MISFA: variants seen among roughly 807,000 people sequenced by gnomAD.
MISFA encodes mitochondrial sheath formation-associated protein.
chr11:18,605,003 G>A, the MISFA span, among the ~76,000 whole-genome samples: 1 of 152,170 alleles, frequency 6.6e-6, no homozygotes, highest in African/African-American at 2.4e-5. Flanking sequence ...AGCACTTTGG[G>A]AGGCCGAGGC....
At chr11:18,604,542 T>G in the MISFA span, among the ~76,000 whole-genome samples, 1 of 151,284 alleles carries the variant, frequency 6.6e-6, no homozygotes, top group Non-Finnish European at 1.5e-5. Flanking sequence ...ACGTCTGTAG[T>G]CCCAGCTACT....
the MISFA span, among the ~76,000 whole-genome samples, chr11:18,606,055 C>T: frequency 6.6e-5 from 10 of 152,296 alleles, no homozygotes; most frequent in East Asian, 1.9e-3. Flanking sequence ...GGACCCTGCT[C>T]ATTTTGACAA....
chr11:18,606,582 T>G, the MISFA span: 2 of 299,490 alleles, frequency 6.7e-6, no homozygotes, highest in African/African-American at 4.7e-5. Flanking sequence ...ATTTAATTAC[T>G]CCAAAGAAAT....
the MISFA span, among the ~76,000 whole-genome samples, chr11:18,600,824 C>T: frequency 6.6e-6 from 1 of 151,990 alleles, no homozygotes; most frequent in Non-Finnish European, 1.5e-5. Flanking sequence ...CCGGCCAGGA[C>T]ATCCTTTTAA....
the MISFA span, among the ~76,000 whole-genome samples, chr11:18,604,757 A>G: frequency 6.6e-6 from 1 of 152,244 alleles, no homozygotes; most frequent in Non-Finnish European, 1.5e-5. Context: ...TATTAGCCTC[A>G]TCTTACAAAA....
chr11:18,607,707 C>T, the MISFA span: 3 of 152,226 alleles, frequency 2.0e-5, no homozygotes, highest in African/African-American at 4.8e-5. Context: ...AAAGACTTAA[C>T]CTTTTTTTTC....
chr11:18,609,741 A>T, the MISFA span: 1 of 794,112 alleles, frequency 1.3e-6, no homozygotes, highest in South Asian at 1.7e-5. Flanking sequence ...GACAGTATGC[A>T]TTCCTTCTCC....
chr11:18,606,620 A>T, the MISFA span: 1 of 363,512 alleles, frequency 2.8e-6, no homozygotes, highest in South Asian at 2.0e-5. Context: ...TCATACACTA[A>T]ACGTCTGAAT....
At chr11:18,605,987 T>G in the MISFA span, among the ~76,000 whole-genome samples, 1 of 152,166 alleles carries the variant, frequency 6.6e-6, no homozygotes, top group African/African-American at 2.4e-5. Flanking sequence ...CTGCCTCATA[T>G]ACATTTCTAA....
the MISFA span, among the ~76,000 whole-genome samples, chr11:18,605,234 T>C: frequency 1.4e-5 from 2 of 142,212 alleles, no homozygotes; most frequent in Non-Finnish European, 3.2e-5. Context: ...AGCAAGACCT[T>C]GTCTCAAAAA....
the MISFA span, chr11:18,607,896 T>A: frequency 6.6e-6 from 1 of 152,322 alleles, no homozygotes; most frequent in East Asian, 1.9e-4. Flanking sequence ...TACCATATCA[T>A]AAATTTACTG....
the MISFA span, chr11:18,603,679 C>T: frequency 2.5e-6 from 1 of 398,312 alleles, no homozygotes; most frequent in East Asian, 3.6e-5. Flanking sequence ...GTAACCTCCC[C>T]TGCCAGTCCT....
chr11:18,603,139 T>C, the MISFA span: 1 of 398,984 alleles, frequency 2.5e-6, no homozygotes, highest in African/African-American at 2.1e-5. Context: ...TGTTGTCTTA[T>C]GGATGCTTCT....
chr11:18,601,633 C>T, the MISFA span: 2 of 396,162 alleles, frequency 5.0e-6, no homozygotes, highest in Non-Finnish European at 4.4e-6. Flanking sequence ...AGGTCTTGAA[C>T]TCCAGGCCTC....
the MISFA span, chr11:18,608,857 A>G: frequency 3.9e-4 from 59 of 152,760 alleles, no homozygotes; most frequent in Admixed American, 2.4e-3. Context: ...GGTGCTCTCG[A>G]TACCATAAAT....
chr11:18,602,872 T>C, the MISFA span: 1 of 354,538 alleles, frequency 2.8e-6, no homozygotes. Flanking sequence ...AACCATCCCA[T>C]AGGTGCTCAT....
chr11:18,603,585 CTT>C, the MISFA span, among the ~76,000 whole-genome samples: 1 of 152,192 alleles, frequency 6.6e-6, no homozygotes. Context: ...GAATTTCTGT[CTT>C]TTCTCTGCCT....
the MISFA span, chr11:18,606,795 A>G: frequency 2.8e-5 from 11 of 386,384 alleles, no homozygotes; most frequent in Non-Finnish European, 5.4e-5. Context: ...GTTACAAAAT[A>G]CAAAACAACA....
chr11:18,609,558 G>T, the MISFA span: 1 of 299,828 alleles, frequency 3.3e-6, no homozygotes, highest in Non-Finnish European at 6.2e-6. Flanking sequence ...ATAAAAGATT[G>T]GCTGACTGGT....
Sources: gnomAD v4.1 joint callset for allele counts (sites outside exome capture counted in the v4.1 genomes callset) on GRCh38, gnomAD v4.1.1 for gene constraint, MANE v1.5 for transcripts, NCBI Gene and HGNC (gene_info 2026-07-23, HGNC 2026-07-21) for gene names.